Variants in PHF12 observed in about 807,000 individuals in gnomAD.
The protein encoded by PHF12 is PHD finger protein 12, also known as PHD factor 1.
In PHF12, 6 loss-of-function variants were observed where a neutral mutation model predicts 99.8. The observed-to-expected ratio is 0.06, with a 90% CI of 0.03 to 0.12. PHF12 has a LOEUF of 0.12. PHF12 is among the 10% of genes least tolerant of loss of function. The pLI is 1.00. For synonymous variants in PHF12, 480 were observed against 514.9 expected, an observed-to-expected ratio of 0.93 and a Z score of 0.92; for missense variants, 954 against 1,300.1, an observed-to-expected ratio of 0.73 and a Z score of 4.09.
At chr17:28,948,224 C>A (rs1431644170) in intron 2 of PHF12, among the ~76,000 whole-genome samples, 1 of 152,194 alleles carries the variant, frequency 6.6e-6, no homozygotes, top group African/African-American at 2.4e-5. Context: ...AGGAGTAGGA[C>A]GTAAGCCCAC....
chr17:28,913,456 T>C (rs773754766), intron 8 of PHF12, among the ~76,000 whole-genome samples, 179 bp from the exon 9 acceptor site: 25 of 152,172 alleles, frequency 1.6e-4, no homozygotes, highest in African/African-American at 4.8e-5. Flanking sequence ...GCAAGACTTA[T>C]AGGTACCCTC....
Position 28,950,272 on chromosome 17 carries a change from G to A in PHF12, c.67-26C>T, listed in dbSNP as rs773852299. The A allele has an allele frequency of 4.4e-6, 7 of 1,585,136 alleles. No individual in the cohort carries two copies. The highest frequency in any genetic ancestry group is 2.7e-5 in the African/African-American group (2 of 73,706). ...CTGCACACACATACAAACGGCGTGT[G>A]TGCACACTCGGAGCTCCCGGGCGGT... On this transcript the variant is annotated intron_variant, in intron 1 of 14. Transcript: ENST00000332830. This position sits in a 1 kb window ranked among gnomAD's most constrained non-coding sequence, Gnocchi z 5.7.
At chr17:28,938,283 T>C (rs969920036) in intron 2 of PHF12, among the ~76,000 whole-genome samples, 3 of 152,138 alleles carry the variant, frequency 2.0e-5, no homozygotes, top group Non-Finnish European at 2.9e-5. Flanking sequence ...CAGGTTGGAG[T>C]GCAATGGCAC....
In PHF12 at chr17:28,949,721, G is replaced by T. The variant is rs1447392252; in HGVS notation, c.248+344C>A. ...CCCGAGGGCAGCGGGCGCGCGGGCAGGCAAGCGGCACTGGGCCCGGAGCTC... is the reference window on the plus strand; with the variant it reads ...CCCGAGGGCAGCGGGCGCGCGGGCATGCAAGCGGCACTGGGCCCGGAGCTC... On this transcript the variant is annotated intron_variant, in intron 2 of 14. Coordinates refer to ENST00000332830, the MANE Select transcript of PHF12 (RefSeq NM_001033561.2). The surrounding 1 kb of genome is among the most constrained non-coding windows in gnomAD (Gnocchi z 4.6). The T allele has an allele frequency of 5.1e-6, 1 of 195,780 alleles. No individual in the cohort carries two copies. Among genetic ancestry groups the T allele is most frequent in the Non-Finnish European group, 1.0e-5 (1 of 96,388 alleles). The allele number at this position is 195,780 out of a possible 1,614,324, so 12.1% of individuals were successfully genotyped here.
In PHF12 at chr17:28,949,585, C is replaced by G. The variant is rs565294779; in HGVS notation, c.248+480G>C. The G allele has an allele frequency of 3.4e-3, 527 of 156,332 alleles. No individual in the cohort carries two copies. Among genetic ancestry groups the G allele is most frequent in the Non-Finnish European group, 6.0e-3 (427 of 70,810 alleles). 9.7% of individuals were successfully genotyped at this position (156,332 alleles called of 1,614,324 possible). On this transcript the variant is annotated intron_variant, in intron 2 of 14. Transcript: ENST00000332830. This position sits in a 1 kb window ranked among gnomAD's most constrained non-coding sequence, Gnocchi z 4.6. Reference sequence around the variant, plus strand: ...AGGCGGACTCGAGAGACACCCTCCACGATTTTTTCTACAGCCACAAGCGCC... The same window carrying G: ...AGGCGGACTCGAGAGACACCCTCCAGGATTTTTTCTACAGCCACAAGCGCC...
At position 28,951,054 on chromosome 17, in the gene PHF12, C is replaced by A. The variant is rs1269465618; in HGVS notation, c.-94G>T. The A allele has an allele frequency of 7.6e-6, 12 of 1,587,416 alleles. No individual in the cohort carries two copies. In the East Asian group the frequency reaches 2.5e-4, roughly 33 times the overall value. The stretch of plus-strand genomic sequence containing the variant: ...GGGGAGGGGGCGCTCCTGACCCCGG[C>A]CCCGCTTTTTTCCCAATACGGGTCC... On this transcript the variant is annotated 5_prime_UTR_variant, in exon 1 of 15. Coordinates refer to ENST00000332830, the MANE Select transcript of PHF12 (RefSeq NM_001033561.2).
Position 28,911,663 on chromosome 17 carries a change from G to C in PHF12, c.2090-426C>G, listed in dbSNP as rs370689249. On this transcript the variant is annotated intron_variant, in intron 9 of 14. Transcript: ENST00000332830. ...GAGATAGGAAAACAGCCTGGGAGCG[G>C]GGCCATCCTGGGACCAGGGGCTCCC... Among the ~76,000 whole-genome samples the C allele has an allele frequency of 1.6e-4, 24 of 152,320 alleles. No individual in the cohort carries two copies. The South Asian group carries it at 2.5e-3, about 16-fold the overall frequency.
intron 2 of PHF12, among the ~76,000 whole-genome samples, chr17:28,946,136 A>C (rs1187093348): frequency 6.6e-6 from 1 of 152,136 alleles, no homozygotes; most frequent in Admixed American, 6.5e-5. Context: ...CGTCTCAGAA[A>C]AACAAAAACA....
rs752814651 is a variant in PHF12 at position 28,917,472 on chromosome 17, CT to C, written c.970-24del. Reference sequence around the variant, plus strand: ...CAGCTAGGGACAAAGCAGACACAACCTTGTGGTGAGCCTCAAAAGGCACCTC... The same window carrying C: ...CAGCTAGGGACAAAGCAGACACAACCTGTGGTGAGCCTCAAAAGGCACCTC... On this transcript the variant is annotated intron_variant, in intron 6 of 14. Transcript: ENST00000332830. 3.2e-6 allele frequency: 5 copies of C among 1,573,746 alleles called. No homozygotes were observed. In the African/African-American group the frequency reaches 6.8e-5, roughly 21 times the overall value.
At chr17:28,932,432 C>T (rs1051128998) in intron 2 of PHF12, among the ~76,000 whole-genome samples, 1 of 152,184 alleles carries the variant, frequency 6.6e-6, no homozygotes, top group Non-Finnish European at 1.5e-5. Flanking sequence ...ACACGCCTGG[C>T]TCAATGCAAA....
At chr17:28,927,105 T>C (rs987863600) in intron 2 of PHF12, 42 bp from the exon 3 acceptor site, 1 of 1,562,288 alleles carries the variant, frequency 6.4e-7, no homozygotes, top group Admixed American at 1.7e-5. Flanking sequence ...AACTAGCCCT[T>C]TGAGGCAGTA....
At chr17:28,914,080 C>A in intron 7 of PHF12, 43 bp from the exon 8 acceptor site, 3 of 1,549,078 alleles carry the variant, frequency 1.9e-6, no homozygotes, top group Non-Finnish European at 2.7e-6. Context: ...GGAGATAGTT[C>A]CAACATGTCT....
intron 2 of PHF12, among the ~76,000 whole-genome samples, chr17:28,931,015 C>T (rs1414309785): frequency 2.6e-5 from 4 of 152,142 alleles, no homozygotes; most frequent in Non-Finnish European, 4.4e-5. Context: ...GAGCCGTGAT[C>T]GTGCCACTGC....
Position 28,906,690 on chromosome 17 carries a change from A to G in PHF12, c.2680+166T>C. The G allele has an allele frequency of 3.3e-6, 4 of 1,206,044 alleles. No individual in the cohort carries two copies. Among genetic ancestry groups the G allele is most frequent in the Non-Finnish European group, 3.4e-6 (3 of 870,566 alleles). The allele number at this position is 1,206,044 out of a possible 1,614,324, so 74.7% of individuals were successfully genotyped here. A position where few individuals can be genotyped will look rare whatever the true frequency, so the allele number is the denominator to read the frequency against. ...GAAGTCCCCACAGGTGTGTACACAC[A>G]TGGGGGTACTCAGCACTTGCTTCTC... On this transcript the variant is annotated intron_variant, in intron 14 of 14. Coordinates refer to ENST00000332830, the MANE Select transcript of PHF12 (RefSeq NM_001033561.2). This position sits in a 1 kb window ranked among gnomAD's most constrained non-coding sequence, Gnocchi z 4.2.
rs866146678 is a variant in PHF12 at position 28,945,318 on chromosome 17, C to G, written c.248+4747G>C. 6 of 152,214 alleles carry G rather than the reference C, an allele frequency of 3.9e-5. No individual in the cohort carries two copies. In the East Asian group the frequency reaches 9.6e-4, roughly 24 times the overall value. 9.4% of individuals were successfully genotyped at this position (152,214 alleles called of 1,614,324 possible). ...TATTCTATGTGTGAAACCTTTGTTA[C>G]GACTCACTGAAAATATGCAAAACTC... On this transcript the variant is annotated intron_variant, in intron 2 of 14. Coordinates refer to ENST00000332830, the MANE Select transcript of PHF12 (RefSeq NM_001033561.2).
intron 2 of PHF12, among the ~76,000 whole-genome samples, chr17:28,948,575 T>C (rs1195970014): frequency 6.6e-6 from 1 of 152,210 alleles, no homozygotes; most frequent in African/African-American, 2.4e-5. Context: ...GGAATGGTAA[T>C]GGGAGTTTCC....
At chr17:28,912,328 C>T in intron 9 of PHF12, 154 bp downstream of exon 9, 1 of 1,408,162 alleles carries the variant, frequency 7.1e-7, no homozygotes, top group Non-Finnish European at 9.2e-7. Flanking sequence ...TTAACATGTG[C>T]TTCCTCTTCT....
chr17:28,907,421 G>A (rs539810511), intron 13 of PHF12, 169 bp downstream of exon 13: 1 of 644,708 alleles, frequency 1.6e-6, no homozygotes, highest in South Asian at 2.0e-5. Context: ...TCCCAGGTAG[G>A]ATGCTATTTC....
In PHF12 at chr17:28,906,193, G is replaced by C; in HGVS notation, c.3005C>G (p.Ser1002Cys). The change falls in exon 15 of 15, where the codon TCT becomes TGT. Residue 1002 changes from serine (S) to cysteine (C), a missense_variant. This residue lies in a region of PHF12 where 136 missense variants were observed against 172.3 expected (regional missense o/e 0.79). Coordinates refer to ENST00000332830, the MANE Select transcript of PHF12 (RefSeq NM_001033561.2). This position sits in a 1 kb window ranked among gnomAD's most constrained non-coding sequence, Gnocchi z 4.2. ...GGGTAGCCGCCAGTCCTAAGGAACAGAGTTGGAGCGCAGCACAGGGCCCTG... is the reference window on the plus strand; with the variant it reads ...GGGTAGCCGCCAGTCCTAAGGAACACAGTTGGAGCGCAGCACAGGGCCCTG... Reference protein sequence around the residue: ...PHQGPVLRSNSVP With the variant: ...PHQGPVLRSNCVP 6.3e-7 allele frequency: 1 copy of C among 1,591,464 alleles called. No individual in the cohort carries two copies. Among genetic ancestry groups the C allele is most frequent in the South Asian group, 1.1e-5 (1 of 89,398 alleles).
Sources: allele counts gnomAD v4.1 joint callset (sites outside exome capture counted in the v4.1 genomes callset), GRCh38; gene constraint gnomAD v4.1.1; regional missense constraint gnomAD v4.1.1; non-coding constraint Gnocchi (gnomAD v3.1); transcripts MANE v1.5; gene names NCBI Gene and HGNC (gene_info 2026-07-23, HGNC 2026-07-21).